The following RELN variants were observed in gnomAD, a reference collection of about 807,000 sequenced individuals.
The protein encoded by RELN is reelin.
In RELN, 108 loss-of-function variants were observed where a neutral mutation model predicts 427.6. The observed-to-expected ratio is 0.25, with a 90% confidence interval of 0.22 to 0.30. RELN has a LOEUF of 0.30. RELN is among the 10% of genes least tolerant of loss of function. RELN has a pLI of 1.00. For missense variants in RELN, 3,715 were observed against 4,302.8 expected, an observed-to-expected ratio of 0.86 and a Z score of 3.82; for synonymous variants, 1,524 against 1,513.4, an observed-to-expected ratio of 1.01 and a Z score of -0.16.
rs1304268554 is a variant in RELN at position 103,603,346 on chromosome 7, C to A, written c.3291G>T (p.Gly1097=). The A allele has an allele frequency of 1.2e-6, 2 of 1,613,922 alleles. No homozygotes were observed. The highest frequency in any genetic ancestry group is 1.1e-5 in the South Asian group (1 of 91,078). ...ATGATCCAGAAGAGATGACACCACA[C>A]CCTTGTTCTGGTTTTACAATTTCTC... ...IGGEIVKPEQ[G]CGVISSGSSL... The change falls in exon 24 of 65, where the codon GGG becomes GGT. Residue 1097 remains glycine, a synonymous_variant. Coordinates refer to ENST00000428762, the MANE Select transcript of RELN (RefSeq NM_005045.4). This position sits in a 1 kb window ranked among gnomAD's most constrained non-coding sequence, Gnocchi z 4.3.
intron 2 of RELN, among the ~76,000 whole-genome samples, chr7:103,880,425 G>A (rs1442956796): frequency 1.3e-5 from 2 of 152,106 alleles, no homozygotes; most frequent in Non-Finnish European, 2.9e-5. Context: ...TCAAATGTGA[G>A]AAAACTAAGG....
chr7:103,903,849 T>G (rs1795136121), intron 2 of RELN, among the ~76,000 whole-genome samples: 1 of 135,668 alleles, frequency 7.4e-6, no homozygotes, highest in South Asian at 2.6e-4. Context: ...TTTTTGTTTT[T>G]GTTTTTTTTT....
At chr7:103,737,905 T>C (rs1414669525) in intron 6 of RELN, among the ~76,000 whole-genome samples, 1 of 152,212 alleles carries the variant, frequency 6.6e-6, no homozygotes, top group African/African-American at 2.4e-5. Flanking sequence ...ATCCAACTGA[T>C]GGAGGTCTTC....
chr7:103,889,353 A>G (rs1418282032), intron 2 of RELN, among the ~76,000 whole-genome samples: 1 of 152,212 alleles, frequency 6.6e-6, no homozygotes, highest in Non-Finnish European at 1.5e-5. Flanking sequence ...AGCACTGACA[A>G]CAGAGGACAG....
intron 2 of RELN, among the ~76,000 whole-genome samples, chr7:103,915,196 T>C (rs919631774): frequency 2.0e-5 from 3 of 152,084 alleles, no homozygotes; most frequent in Non-Finnish European, 4.4e-5. Context: ...TGCCCCACCA[T>C]CCACAGACCT....
At chr7:103,917,690 G>A (rs17269500) in intron 1 of RELN, among the ~76,000 whole-genome samples, 16,484 of 151,892 alleles carry the variant, frequency 0.11, 1,079 homozygotes, top group South Asian at 0.18. Context: ...AACAAAAGCC[G>A]ACTAATTTGC....
Position 103,510,831 on chromosome 7 carries a change from T to C in RELN, c.8274+20A>G. 1 of 1,599,466 alleles carries C rather than the reference T, an allele frequency of 6.3e-7. No homozygotes were observed. The highest frequency in any genetic ancestry group is 8.6e-7 in the Non-Finnish European group (1 of 1,166,908). Reference sequence around the variant, plus strand: ...TGCTAATGTATGGTTGTTTATATAATCAAGATCATAACATTTCACCTTGAA... The same window carrying C: ...TGCTAATGTATGGTTGTTTATATAACCAAGATCATAACATTTCACCTTGAA... On this transcript the variant is annotated intron_variant, in intron 51 of 64. Transcript: ENST00000428762.
At chr7:103,472,972 T>C (rs755923943) in intron 64 of RELN, 64 bp from the exon 65 acceptor site, 23 of 1,261,486 alleles carry the variant, frequency 1.8e-5, no homozygotes, top group Non-Finnish European at 2.6e-5. Context: ...AGTCCCATCA[T>C]TGAACGTGCA....
chr7:103,768,801 G>T (rs1158263530), intron 4 of RELN, among the ~76,000 whole-genome samples: 1 of 152,136 alleles, frequency 6.6e-6, no homozygotes, highest in Non-Finnish European at 1.5e-5. Context: ...CACCATATAG[G>T]AGGAGACATA....
At chr7:103,473,423 T>C (rs1827924341) in intron 64 of RELN, among the ~76,000 whole-genome samples, 1 of 152,162 alleles carries the variant, frequency 6.6e-6, no homozygotes, top group Non-Finnish European at 1.5e-5. Flanking sequence ...TGCAGTCCCA[T>C]GAGACAAAAT....
intron 3 of RELN, among the ~76,000 whole-genome samples, chr7:103,802,840 T>C (rs1309798393): frequency 2.0e-5 from 3 of 152,128 alleles, no homozygotes; most frequent in African/African-American, 7.2e-5. Flanking sequence ...GCAATGCTTG[T>C]ATTACTGGCT....
At chr7:103,898,147 T>C (rs1303762266) in intron 2 of RELN, among the ~76,000 whole-genome samples, 1 of 152,026 alleles carries the variant, frequency 6.6e-6, no homozygotes, top group Non-Finnish European at 1.5e-5. Context: ...AGTGTGGATA[T>C]GGGTGTGTAG....
intron 45 of RELN, among the ~76,000 whole-genome samples, chr7:103,538,675 C>A (rs362718): frequency 0.3 from 45,038 of 151,930 alleles, 8,334 homozygotes; most frequent in African/African-American, 0.51. Context: ...TTAATAAGCC[C>A]TGTATATATG....
At chr7:103,670,539 GTT>G (rs5886264) in intron 11 of RELN, among the ~76,000 whole-genome samples, 1 of 151,216 alleles carries the variant, frequency 6.6e-6, no homozygotes, top group Non-Finnish European at 1.5e-5. Flanking sequence ...TGTTTTGCGG[GTT>G]TTTTTTTGGT....
chr7:103,641,357 A>C (rs913599246), intron 16 of RELN, among the ~76,000 whole-genome samples: 1 of 152,190 alleles, frequency 6.6e-6, no homozygotes, highest in Admixed American at 6.6e-5. Context: ...TATTTACATA[A>C]TTTTATTGTA....
intron 5 of RELN, among the ~76,000 whole-genome samples, chr7:103,750,359 G>A (rs1321476329): frequency 2.0e-5 from 3 of 152,160 alleles, no homozygotes. Flanking sequence ...GGACGTGTTT[G>A]CTTCCCCTTC....
chr7:103,642,896 C>T (rs187753033), intron 16 of RELN, among the ~76,000 whole-genome samples: 10 of 152,154 alleles, frequency 6.6e-5, no homozygotes, highest in African/African-American at 2.2e-4. Context: ...TAAAATGCTA[C>T]GCAAAATGTT....
Position 103,880,939 on chromosome 7 carries a change from AC to A in RELN, c.337+36135del, listed in dbSNP as rs1190967789. ...TTGAACTCCTGAGCACAAACAATTCACCCACCTTGGCTTCCAAGTGCTGGAG... is the reference window on the plus strand; with the variant it reads ...TTGAACTCCTGAGCACAAACAATTCACCACCTTGGCTTCCAAGTGCTGGAG... On this transcript the variant is annotated intron_variant, in intron 2 of 64. Coordinates refer to ENST00000428762, the MANE Select transcript of RELN (RefSeq NM_005045.4). Among the ~76,000 whole-genome samples, 5 of 152,048 alleles carry A rather than the reference AC, an allele frequency of 3.3e-5. No individual in the cohort carries two copies. In the East Asian group the frequency reaches 9.7e-4, roughly 30 times the overall value.
chr7:103,857,328 T>C (rs910342459), intron 2 of RELN, among the ~76,000 whole-genome samples: 2 of 152,216 alleles, frequency 1.3e-5, no homozygotes, highest in African/African-American at 4.8e-5. Flanking sequence ...CATAGCAGTA[T>C]TGTGATTGCA....
Sources: allele counts gnomAD v4.1 joint callset (sites outside exome capture counted in the v4.1 genomes callset), GRCh38; gene constraint gnomAD v4.1.1; non-coding constraint Gnocchi (gnomAD v3.1); transcripts MANE v1.5; gene names NCBI Gene and HGNC (gene_info 2026-07-23, HGNC 2026-07-21).